CELSR1: variants seen among roughly 807,000 people sequenced by gnomAD.
CELSR1 encodes adhesion G protein-coupled receptor C1.
CELSR1 carries 110 observed loss-of-function variants against 249.1 expected under a neutral mutation model. The ratio of observed to expected loss-of-function variants is 0.44; its 90% confidence interval spans 0.38 to 0.52. The LOEUF (loss-of-function observed/expected upper bound fraction) is 0.52. Ranked by LOEUF, CELSR1 falls within the 20% of genes least tolerant of loss-of-function variation. The pLI is 0.00. For missense variants in CELSR1, 4,109 were observed against 4,296.4 expected, an observed-to-expected ratio of 0.96 and a Z score of 1.22; for synonymous variants, 2,113 against 1,900.0, an observed-to-expected ratio of 1.11 and a Z score of -2.92.
In CELSR1 at chr22:46,416,319, G is replaced by A. The variant is rs73448543; in HGVS notation, c.4612-4560C>T. On this transcript the variant is annotated intron_variant, in intron 5 of 34. Coordinates refer to ENST00000674500, the MANE Select transcript of CELSR1 (RefSeq NM_001378328.1). Reference sequence around the variant, plus strand: ...GCACGGTGGAGGCCCCAGCGCCCCGGCACCTGCCCTTCCAGGGCTCAGCTG... The same window carrying A: ...GCACGGTGGAGGCCCCAGCGCCCCGACACCTGCCCTTCCAGGGCTCAGCTG... Among the ~76,000 whole-genome samples the A allele has an allele frequency of 2.3e-3, 351 of 152,340 alleles. 2 individuals are homozygous for A. The highest frequency in any genetic ancestry group is 8.1e-3 in the African/African-American group (336 of 41,576).
At chr22:46,443,092 C>T (rs990647254) in intron 2 of CELSR1, among the ~76,000 whole-genome samples, 33 of 150,564 alleles carry the variant, frequency 2.2e-4, no homozygotes, top group Non-Finnish European at 4.0e-4. Context: ...AGCGAGACTC[C>T]GTCTCTTAAG....
In CELSR1 at chr22:46,441,753, T is replaced by C. The variant is rs987979458; in HGVS notation, c.4184-2342A>G. 1.3e-5 allele frequency among the ~76,000 whole-genome samples: 2 copies of C among 152,196 alleles called. No individual in the cohort carries two copies. Among genetic ancestry groups the C allele is most frequent in the Non-Finnish European group, 2.9e-5 (2 of 68,044 alleles). ...AAGCACCCATCCTGGGGCATAGGGC[T>C]TCAATGTAGAAATTTATGAGGGCAC... is the stretch of plus-strand genomic sequence containing the variant. On this transcript the variant is annotated intron_variant, in intron 2 of 34. Transcript: ENST00000674500. The surrounding 1 kb of genome is among the most constrained non-coding windows in gnomAD (Gnocchi z 6.1).
rs968533512 is a variant in CELSR1 at position 46,446,270 on chromosome 22, C to T, written c.4184-6859G>A. Among the ~76,000 whole-genome samples, 54 of 152,188 alleles carry T rather than the reference C, an allele frequency of 3.5e-4. No individual in the cohort carries two copies. Among genetic ancestry groups the T allele is most frequent in the African/African-American group, 1.3e-3 (52 of 41,436 alleles). ...TCTCTTAGTCTCTGCATGTGGCTTT[C>T]CAGTGCCTGGAGGCCACCCGCATCC... On this transcript the variant is annotated intron_variant, in intron 2 of 34. Coordinates refer to ENST00000674500, the MANE Select transcript of CELSR1 (RefSeq NM_001378328.1). This position sits in a 1 kb window ranked among gnomAD's most constrained non-coding sequence, Gnocchi z 5.5.
chr22:46,500,901 G>A lies in CELSR1; in HGVS notation c.3544+32726C>T, dbSNP rs1334264725. On this transcript the variant is annotated intron_variant, in intron 1 of 34. Transcript: ENST00000674500. The surrounding 1 kb of genome is among the most constrained non-coding windows in gnomAD (Gnocchi z 4.9). ...CGCCCATGATGGGACCCGAAAATCA[G>A]CCCATTTACATGCCAAGTGCTGAGA... is the stretch of plus-strand genomic sequence containing the variant. Among the ~76,000 whole-genome samples, 1 of 152,088 alleles carries A rather than the reference G, an allele frequency of 6.6e-6. No individual in the cohort carries two copies.
Position 46,536,666 on chromosome 22 carries a change from G to C in CELSR1, c.505C>G (p.Arg169Gly). 8.6e-7 allele frequency: 1 copy of C among 1,169,104 alleles called. No individual in the cohort carries two copies. The highest frequency in any genetic ancestry group is 1.1e-6 in the Non-Finnish European group (1 of 949,570). 72.4% of individuals were successfully genotyped at this position (1,169,104 alleles called of 1,614,324 possible). Residue 169 changes from arginine (R) to glycine (G), a missense_variant, in exon 1 of 35, where the codon CGT becomes GGT. Arg to Gly is a moderately radical substitution (Grantham distance 125). This residue lies in a region of CELSR1 where 673 missense variants were observed against 636.8 expected (regional missense o/e 1.06). Transcript: ENST00000674500. ...CCGCCCGGCGGCAGGCAGATGGGACGGCCGGGACAGCGGGGCCTGGGGCGC... is the reference window on the plus strand; with the variant it reads ...CCGCCCGGCGGCAGGCAGATGGGACCGCCGGGACAGCGGGGCCTGGGGCGC... ...PPRPRPRCPG[R>G]PICLPPGGSV...
intron 5 of CELSR1, among the ~76,000 whole-genome samples, chr22:46,421,539 G>C (rs188286517): frequency 1.3e-5 from 2 of 152,122 alleles, no homozygotes; most frequent in Admixed American, 6.5e-5. Context: ...GTTTGGGAAC[G>C]GAAACCAAGT....
intron 26 of CELSR1, 117 bp from the exon 27 acceptor site, chr22:46,369,375 C>T (rs574546984): frequency 7.9e-5 from 67 of 853,230 alleles, no homozygotes; most frequent in East Asian, 7.2e-4. Context: ...GAGGAGGACC[C>T]GAACCCTGGC....
intron 1 of CELSR1, chr22:46,481,744 G>A (rs1393176539): frequency 2.3e-5 from 11 of 487,236 alleles, no homozygotes; most frequent in Non-Finnish European, 4.1e-5. Context: ...CTCCCCAGTG[G>A]CAACCCTGTG....
rs113094111 is a variant in CELSR1 at position 46,485,718 on chromosome 22, T to C, written c.3545-21373A>G. The stretch of plus-strand genomic sequence containing the variant: ...CATGGGGTTTGTGTGGCGGGGACCG[T>C]TGACGCTCAGGTTCTGCACAGTGCC... On this transcript the variant is annotated intron_variant, in intron 1 of 34. Coordinates refer to ENST00000674500, the MANE Select transcript of CELSR1 (RefSeq NM_001378328.1). Among the ~76,000 whole-genome samples the C allele has an allele frequency of 8.1e-3, 1,236 of 152,252 alleles. 15 individuals are homozygous for C. The highest frequency in any genetic ancestry group is 0.028 in the African/African-American group (1,182 of 41,536).
Position 46,401,410 on chromosome 22 carries a change from G to C in CELSR1, c.5227-1508C>G, listed in dbSNP as rs899992393. ...GTTTGAAGACACTGAAGTGGCTCCA[G>C]GCAAAACAGAGTTTCAGGCTCACAA... On this transcript the variant is annotated intron_variant, in intron 9 of 34. Transcript: ENST00000674500. This position sits in a 1 kb window ranked among gnomAD's most constrained non-coding sequence, Gnocchi z 4.7. Among the ~76,000 whole-genome samples the C allele has an allele frequency of 6.6e-6, 1 of 152,194 alleles. No individual in the cohort carries two copies. The highest frequency in any genetic ancestry group is 1.5e-5 in the Non-Finnish European group (1 of 68,036).
chr22:46,371,142 C>T (rs1357030767), intron 25 of CELSR1, among the ~76,000 whole-genome samples: 1 of 152,222 alleles, frequency 6.6e-6, no homozygotes. Flanking sequence ...CCTGCCCCCA[C>T]CTCAGTGGCC....
rs1229255481 is a variant in CELSR1 at position 46,526,631 on chromosome 22, C to T, written c.3544+6996G>A. On this transcript the variant is annotated intron_variant, in intron 1 of 34. Transcript: ENST00000674500. This position sits in a 1 kb window ranked among gnomAD's most constrained non-coding sequence, Gnocchi z 4.7. ...ATCACGGATGACCCCCTCGGAGACA[C>T]TCGCCCTCCCTCAGCCTCCAGGGCC... is the stretch of plus-strand genomic sequence containing the variant. Among the ~76,000 whole-genome samples the T allele has an allele frequency of 6.6e-6, 1 of 152,214 alleles. No individual in the cohort carries two copies. The highest frequency in any genetic ancestry group is 1.5e-5 in the Non-Finnish European group (1 of 68,048).
chr22:46,442,449 G>A (rs1245544281), intron 2 of CELSR1, among the ~76,000 whole-genome samples: 1 of 152,236 alleles, frequency 6.6e-6, no homozygotes. Flanking sequence ...TTGTATACCT[G>A]CAGGGCAGTC....
intron 18 of CELSR1, among the ~76,000 whole-genome samples, chr22:46,388,769 A>G (rs2079057495): frequency 6.6e-6 from 1 of 152,110 alleles, no homozygotes; most frequent in Non-Finnish European, 1.5e-5. Flanking sequence ...AGGGGATGAC[A>G]ACTTCCACAC....
rs532993938 is a variant in CELSR1, at chr22:46,520,820, T to C, written c.3544+12807A>G. Among the ~76,000 whole-genome samples the C allele has an allele frequency of 2.6e-5, 4 of 152,232 alleles. No homozygotes were observed. In the East Asian group the frequency reaches 5.8e-4, roughly 22 times the overall value. ...CCTTTACACTGTTATACAACCATCA[T>C]CACCCTCCATCTCCAGAGCCTTTCA... On this transcript the variant is annotated intron_variant, in intron 1 of 34. Transcript: ENST00000674500.
chr22:46,411,880 G>A lies in CELSR1; in HGVS notation c.4612-121C>T. 7.9e-7 allele frequency: 1 copy of A among 1,270,896 alleles called. No individual in the cohort carries two copies. The highest frequency in any genetic ancestry group is 1.5e-5 in the African/African-American group (1 of 68,406). 78.7% of individuals were successfully genotyped at this position (1,270,896 alleles called of 1,614,324 possible). A position where few individuals can be genotyped will look rare whatever the true frequency, so the allele number is the denominator to read the frequency against. On this transcript the variant is annotated intron_variant, in intron 5 of 34. Coordinates refer to ENST00000674500, the MANE Select transcript of CELSR1 (RefSeq NM_001378328.1). This position sits in a 1 kb window ranked among gnomAD's most constrained non-coding sequence, Gnocchi z 4.2. Reference sequence around the variant, plus strand: ...CAGGGTGGGCGGCACGTAGACAAGGGATGAGGAGCCCCCGGCCTTTAGTTC... The same window carrying A: ...CAGGGTGGGCGGCACGTAGACAAGGAATGAGGAGCCCCCGGCCTTTAGTTC...
rs546055223 is a variant in CELSR1 at position 46,370,965 on chromosome 22, G to A, written c.7760-1161C>T. 1.9e-4 allele frequency among the ~76,000 whole-genome samples: 29 copies of A among 152,354 alleles called. No individual in the cohort carries two copies. In the South Asian group the frequency reaches 5.6e-3, roughly 29 times the overall value. ...TTAGAGTCCAAAGGGCAGAGGCATC[G>A]CAGAGACCTGCTCCGCCTGGACATC... On this transcript the variant is annotated intron_variant, in intron 25 of 34. Transcript: ENST00000674500.
rs1168022499 is a variant in CELSR1 at position 46,436,249 on chromosome 22, C to T, written c.4447G>A (p.Gly1483Ser). ...AAGTCGTGCTTCTCATTGAAGCGGC[C>T]GTTGTAGAGAAGCAAGCCGTTCCTT... Reference protein sequence around the residue: ...QERNGLLLYNGRFNEKHDFIA... With the variant: ...QERNGLLLYNSRFNEKHDFIA... Residue 1483 changes from glycine to serine, a missense_variant, in exon 4 of 35, where the codon GGC (glycine) becomes AGC (serine). Gly to Ser is a moderately conservative substitution (Grantham distance 56). Coordinates refer to ENST00000674500, the MANE Select transcript of CELSR1 (RefSeq NM_001378328.1). The surrounding 1 kb of genome is among the most constrained non-coding windows in gnomAD (Gnocchi z 5.9). 13 of 1,614,072 alleles carry T rather than the reference C, an allele frequency of 8.1e-6. No individual in the cohort carries two copies. In the East Asian group the frequency reaches 1.3e-4, roughly 17 times the overall value.
chr22:46,368,873 C>T (rs1307468771), intron 27 of CELSR1, among the ~76,000 whole-genome samples: 1 of 152,158 alleles, frequency 6.6e-6, no homozygotes, highest in Non-Finnish European at 1.5e-5. Flanking sequence ...CACCCATCTC[C>T]ACTCTGGGGA....
Sources: gnomAD v4.1 joint callset for allele counts (sites outside exome capture counted in the v4.1 genomes callset) on GRCh38, gnomAD v4.1.1 for gene constraint, gnomAD v4.1.1 regional missense constraint, Gnocchi (gnomAD v3.1) non-coding constraint, MANE v1.5 for transcripts, NCBI Gene and HGNC (gene_info 2026-07-23, HGNC 2026-07-21) for gene names.